RARB: variants seen among roughly 807,000 people sequenced by gnomAD.
RARB encodes HBV-activated protein.
In RARB, 17 loss-of-function variants were observed where a neutral mutation model predicts 51.9. That is an observed-to-expected ratio of 0.33 (90% CI 0.22 to 0.49). The LOEUF (loss-of-function observed/expected upper bound fraction) is 0.49, where lower values mean the gene tolerates loss of function less well. Ranked by LOEUF, RARB falls within the 20% of genes least tolerant of loss-of-function variation. The probability of loss-of-function intolerance (pLI) is 0.99; values close to 1 mark genes in which losing one functional copy is unlikely to be tolerated. For synonymous variants in RARB, 215 were observed against 195.4 expected, an observed-to-expected ratio of 1.10 and a Z score of -0.84; for missense variants, 369 against 550.8, an observed-to-expected ratio of 0.67 and a Z score of 3.30.
chr3:24,955,197 G>A (rs999827313), intron 2 of RARB, among the ~76,000 whole-genome samples: 3 of 152,198 alleles, frequency 2.0e-5, no homozygotes, highest in Non-Finnish European at 2.9e-5. Context: ...AGGGGATGGT[G>A]TAAGAAGAAG....
rs1701908460 is a variant in RARB, at chr3:25,597,601, T to TTC, written c.*985_*986insTC. The TTC allele has an allele frequency of 6.6e-6, 1 of 152,524 alleles. No individual in the cohort carries two copies. The highest frequency in any genetic ancestry group is 2.4e-5 in the African/African-American group (1 of 41,430). The allele number at this position is 152,524 out of a possible 1,614,324, so 9.4% of individuals were successfully genotyped here. A position where few individuals can be genotyped will look rare whatever the true frequency, so the allele number is the denominator to read the frequency against. On this transcript the variant is annotated 3_prime_UTR_variant, in exon 8 of 8. Coordinates refer to ENST00000330688, the MANE Select transcript of RARB (RefSeq NM_000965.5). Reference sequence around the variant, plus strand: ...CATGCCTGATATTGGGATTTTTTTTTCCAGCCTTCTTGATGCCAAGGGGCT... The same window carrying TTC: ...CATGCCTGATATTGGGATTTTTTTTTTCCCAGCCTTCTTGATGCCAAGGGGCT...
intron 2 of RARB, chr3:25,025,065 T>C (rs1040263303): frequency 6.6e-6 from 1 of 151,910 alleles, no homozygotes; most frequent in Non-Finnish European, 1.5e-5. Flanking sequence ...TTAAGCAGGA[T>C]TGGGCCTGGT....
In RARB at chr3:25,443,856, G is replaced by A. The variant is rs186073263; in HGVS notation, c.157+14968G>A. ...TGAGACAGGAGAATCACTTGAACCC[G>A]GGAGGCAGAGGTTACAGTGAGCCGA... On this transcript the variant is annotated intron_variant, in intron 1 of 7. Transcript: ENST00000330688. Among the ~76,000 whole-genome samples the A allele has an allele frequency of 3.6e-4, 55 of 152,048 alleles. No individual in the cohort carries two copies. In the East Asian group the frequency reaches 4.8e-3, roughly 13 times the overall value.
At chr3:24,841,457 C>A (rs1165516882) in intron 1 of RARB, among the ~76,000 whole-genome samples, 2 of 152,192 alleles carry the variant, frequency 1.3e-5, no homozygotes, top group African/African-American at 2.4e-5. Context: ...TAGGATATTA[C>A]AGACAGTGTG....
chr3:24,940,417 A>C (rs552308025), intron 2 of RARB, among the ~76,000 whole-genome samples: 5 of 149,390 alleles, frequency 3.3e-5, no homozygotes, highest in African/African-American at 1.2e-4. Flanking sequence ...TTTAAAGATA[A>C]AAATTAATTC....
chr3:25,096,019 T>G (rs1699286810), intron 3 of RARB, among the ~76,000 whole-genome samples: 1 of 152,194 alleles, frequency 6.6e-6, no homozygotes, highest in South Asian at 2.1e-4. Flanking sequence ...CCTGCCTCTT[T>G]CCCATTACTG....
rs780463681 is a variant in RARB at position 24,925,446 on chromosome 3, C to T, written c.-380+66694C>T. Among the ~76,000 whole-genome samples, 74 of 151,858 alleles carry T rather than the reference C, an allele frequency of 4.9e-4. No homozygotes were observed. In the Middle Eastern group the frequency reaches 0.01, roughly 21 times the overall value. On this transcript the variant is annotated intron_variant, in intron 2 of 11. Transcript: ENST00000383772. ...TTGCATGAGCTCAGGAATTTGAGAC[C>T]AGCCTGGGAAATACGGCAAAACCCT...
At chr3:25,120,745 A>G (rs1352291248) in intron 3 of RARB, among the ~76,000 whole-genome samples, 1 of 152,168 alleles carries the variant, frequency 6.6e-6, no homozygotes, top group Non-Finnish European at 1.5e-5. Context: ...TGAATGACCT[A>G]CGGAGACTTC....
intron 5 of RARB, among the ~76,000 whole-genome samples, chr3:25,273,813 T>C (rs1703309855): frequency 6.6e-6 from 1 of 152,210 alleles, no homozygotes; most frequent in African/African-American, 2.4e-5. Context: ...CAGTCTTCTC[T>C]TATAACCCAC....
At chr3:24,881,082 C>T (rs114736675) in intron 2 of RARB, among the ~76,000 whole-genome samples, 4,792 of 152,204 alleles carry the variant, frequency 0.031, 106 homozygotes, top group Middle Eastern at 0.065. Context: ...TGAGTGAGTT[C>T]TCACTAGAGG....
intron 3 of RARB, among the ~76,000 whole-genome samples, chr3:25,125,275 A>G (rs1699843251): frequency 6.6e-6 from 1 of 152,218 alleles, no homozygotes; most frequent in African/African-American, 2.4e-5. Flanking sequence ...AGATTTTGAC[A>G]GTTTAACACT....
rs112871533 is a variant in RARB, at chr3:25,243,698, A to G, written c.178+69123A>G. On this transcript the variant is annotated intron_variant, in intron 5 of 11. Transcript: ENST00000383772. ...TGGATAAGCTTTTTAATGTGCTTCT[A>G]GAATCGGTTTGCCAGTATTTTATTG... Among the ~76,000 whole-genome samples, 466 of 152,158 alleles carry G rather than the reference A, an allele frequency of 3.1e-3. 4 individuals carry two copies. Among genetic ancestry groups the G allele is most frequent in the African/African-American group, 0.011 (448 of 41,530 alleles).
At chr3:25,281,476 A>G (rs1703520705) in intron 5 of RARB, among the ~76,000 whole-genome samples, 1 of 152,238 alleles carries the variant, frequency 6.6e-6, no homozygotes. Context: ...ATTATCTCCT[A>G]TTCTCTTACG....
At chr3:24,859,939 T>C (rs61055845) in intron 2 of RARB, among the ~76,000 whole-genome samples, 3,021 of 152,250 alleles carry the variant, frequency 0.02, 102 homozygotes, top group African/African-American at 0.069. Context: ...TTGCAATTTC[T>C]TTTCCATCTC....
rs13077885 is a variant in RARB at position 25,146,546 on chromosome 3, T to C, written c.-280+14338T>C. Among the ~76,000 whole-genome samples, 1,311 of 147,174 alleles carry C rather than the reference T, an allele frequency of 8.9e-3. 7 individuals are homozygous for C. Among genetic ancestry groups the C allele is most frequent in the Non-Finnish European group, 0.016 (1,099 of 66,692 alleles). ...TTTTGAGACAAGAGTCTCGCTCTGT[T>C]GCCCAGGCTGGAGTGCAATGGCGCG... On this transcript the variant is annotated intron_variant, in intron 4 of 11. Coordinates refer to the RARB transcript ENST00000383772.
At chr3:25,486,633 T>C (rs900680414) in intron 2 of RARB, among the ~76,000 whole-genome samples, 2 of 152,214 alleles carry the variant, frequency 1.3e-5, no homozygotes, top group African/African-American at 2.4e-5. Context: ...TCATTATCTG[T>C]ATATACCCTA....
chr3:24,902,984 A>G (rs1003209840), intron 2 of RARB, among the ~76,000 whole-genome samples: 2 of 152,174 alleles, frequency 1.3e-5, no homozygotes, highest in African/African-American at 2.4e-5. Flanking sequence ...ATATATTGAG[A>G]GAAACAAGAC....
intron 7 of RARB, among the ~76,000 whole-genome samples, chr3:25,595,431 C>G (rs944085477): frequency 8.5e-5 from 13 of 152,204 alleles, no homozygotes; most frequent in Admixed American, 2.0e-4. Flanking sequence ...TTAACTCGAG[C>G]TCCTTCTAAG....
intron 3 of RARB, among the ~76,000 whole-genome samples, chr3:25,094,726 A>AAAAC: frequency 6.7e-6 from 1 of 148,524 alleles, no homozygotes; most frequent in Non-Finnish European, 1.5e-5. Flanking sequence ...CAAAAAAAAA[A>AAAAC]AAAAAAAAAA....
Sources: gnomAD v4.1 joint callset for allele counts (sites outside exome capture counted in the v4.1 genomes callset) on GRCh38, gnomAD v4.1.1 for gene constraint, MANE v1.5 for transcripts, NCBI Gene and HGNC (gene_info 2026-07-23, HGNC 2026-07-21) for gene names.